Variants in PTRHD1 observed in about 807,000 individuals in gnomAD.
PTRHD1 encodes the protein peptidyl-tRNA hydrolase domain containing 1.
Under a neutral mutation model 13.6 loss-of-function variants are expected in PTRHD1, and 12 were observed. The observed-to-expected ratio is 0.88, with a 90% CI of 0.57 to 1.43. The LOEUF (loss-of-function observed/expected upper bound fraction) is 1.43. Among genes scored for constraint, PTRHD1 ranks in the 40% most tolerant of loss-of-function variants. The probability of loss-of-function intolerance (pLI) is 0.00; values close to 1 mark genes in which losing one functional copy is unlikely to be tolerated. For synonymous variants in PTRHD1, 86 were observed against 79.5 expected, an observed-to-expected ratio of 1.08 and a Z score of -0.43; for missense variants, 203 against 184.7, an observed-to-expected ratio of 1.10 and a Z score of -0.57.
At chr2:24,791,114 G>A (rs936012122) in intron 1 of PTRHD1, among the ~76,000 whole-genome samples, 9 of 151,906 alleles carry the variant, frequency 5.9e-5, no homozygotes, top group South Asian at 2.1e-4. Flanking sequence ...TAGTAGAGAC[G>A]GGGTTTCACC....
At chr2:24,790,608 A>G in intron 1 of PTRHD1, 27 bp from the exon 2 acceptor site, 1 of 1,600,862 alleles carries the variant, frequency 6.2e-7, no homozygotes, top group Non-Finnish European at 8.5e-7. Context: ...CAGAACACAA[A>G]CTGAATAGCC....
rs1391503537 is a variant in PTRHD1, at chr2:24,790,583, T to G, written c.253-2A>C. On this transcript the variant is annotated splice_acceptor_variant, in intron 1 of 1. Coordinates refer to ENST00000328379, the MANE Select transcript of PTRHD1 (RefSeq NM_001013663.2). LOFTEE classifies it high-confidence loss of function. ...CTTTAGGGTGGTCTCATCTGGGGCC[T>G]AAAGGAGAAGAACACAGAACACAAA... is the stretch of plus-strand genomic sequence containing the variant. 1 of 1,611,588 alleles carries G rather than the reference T, an allele frequency of 6.2e-7. No homozygotes were observed. Among genetic ancestry groups the G allele is most frequent in the East Asian group, 2.2e-5 (1 of 44,844 alleles).
chr2:24,791,971 C>T (rs1665636969), intron 1 of PTRHD1, among the ~76,000 whole-genome samples: 1 of 152,176 alleles, frequency 6.6e-6, no homozygotes. Context: ...TCATGAGACC[C>T]TCTTTTAAAC....
intron 1 of PTRHD1, chr2:24,791,698 C>T (rs1665629035): frequency 6.6e-6 from 1 of 152,216 alleles, no homozygotes; most frequent in African/African-American, 2.4e-5. Flanking sequence ...GGACTCCAAA[C>T]TCTTGCTGAC....
At position 24,793,164 on chromosome 2, in the gene PTRHD1, G is replaced by T. The variant is rs374127643; in HGVS notation, c.214C>A (p.Leu72Ile). 3 of 1,613,462 alleles carry T rather than the reference G, an allele frequency of 1.9e-6. No homozygotes were observed. Among genetic ancestry groups the T allele is most frequent in the Non-Finnish European group, 2.5e-6 (3 of 1,179,872 alleles). ...HRDHPHTAAY[L>I]QELGRMRKVV... Reference sequence around the variant, plus strand: ...TTGCGCATGCGCCCCAGCTCTTGGAGGTAAGCGGCTGTGTGCGGGTGGTCG... The same window carrying T: ...TTGCGCATGCGCCCCAGCTCTTGGATGTAAGCGGCTGTGTGCGGGTGGTCG... The change falls in exon 1 of 2, where the codon CTC becomes ATC. Residue 72 changes from leucine (L) to isoleucine (I), a missense_variant. Transcript: ENST00000328379.
chr2:24,790,178 T>C lies in PTRHD1; in HGVS notation c.*233A>G. On this transcript the variant is annotated 3_prime_UTR_variant, in exon 2 of 2. Transcript: ENST00000328379. ...AGTTTCCTTGAGCCCCACAGGAGAG[T>C]CTAACCAAATCTTCTATTTGAGCAA... 1 of 471,028 alleles carries C rather than the reference T, an allele frequency of 2.1e-6. No homozygotes were observed. Among genetic ancestry groups the C allele is most frequent in the Non-Finnish European group, 3.7e-6 (1 of 269,698 alleles). 29.2% of individuals were successfully genotyped at this position (471,028 alleles called of 1,614,324 possible). A position where few individuals can be genotyped will look rare whatever the true frequency, so the allele number is the denominator to read the frequency against.
chr2:24,793,093 C>G, intron 1 of PTRHD1, 33 bp downstream of exon 1: 1 of 1,599,252 alleles, frequency 6.3e-7, no homozygotes, highest in Non-Finnish European at 8.5e-7. Flanking sequence ...CCCTCGATGT[C>G]TCAGCACCTC....
Position 24,793,114 on chromosome 2 carries a change from C to A in PTRHD1, c.252+12G>T, listed in dbSNP as rs780198510. ...ATGTCTCAGCACCTCCCCCTCCGCCCGAGTGCCTCACCTCGAGGACCACTT... is the reference window on the plus strand; with the variant it reads ...ATGTCTCAGCACCTCCCCCTCCGCCAGAGTGCCTCACCTCGAGGACCACTT... On this transcript the variant is annotated intron_variant, in intron 1 of 1. Coordinates refer to ENST00000328379, the MANE Select transcript of PTRHD1 (RefSeq NM_001013663.2). 8.1e-6 allele frequency: 13 copies of A among 1,608,158 alleles called. No homozygotes were observed. The highest frequency in any genetic ancestry group is 3.3e-5 in the South Asian group (3 of 90,840).
intron 1 of PTRHD1, among the ~76,000 whole-genome samples, chr2:24,792,074 G>A (rs765687858): frequency 6.6e-6 from 1 of 152,188 alleles, no homozygotes; most frequent in South Asian, 2.1e-4. Flanking sequence ...TTACTAGGAA[G>A]AAAATCTAAG....
At chr2:24,791,472 G>C (rs1665620382) in intron 1 of PTRHD1, 1 of 152,166 alleles carries the variant, frequency 6.6e-6, no homozygotes, top group Non-Finnish European at 1.5e-5. Context: ...TATTATTTTT[G>C]TGTTATTTTG....
In PTRHD1 at chr2:24,793,125, C is replaced by T. The variant is rs770324174; in HGVS notation, c.252+1G>A. The T allele has an allele frequency of 1.4e-4, 225 of 1,611,018 alleles. No individual in the cohort carries two copies. The highest frequency in any genetic ancestry group is 1.8e-4 in the Non-Finnish European group (218 of 1,178,574). On this transcript the variant is annotated splice_donor_variant, in intron 1 of 1. Transcript: ENST00000328379. LOFTEE classifies it high-confidence loss of function. ...CCTCCCCCTCCGCCCGAGTGCCTCA[C>T]CTCGAGGACCACTTTGCGCATGCGC...
intron 1 of PTRHD1, chr2:24,791,628 T>G (rs1457303833): frequency 2.0e-5 from 3 of 152,232 alleles, no homozygotes; most frequent in African/African-American, 7.2e-5. Flanking sequence ...ATCAGCTTCT[T>G]CAGCCTCGGG....
intron 1 of PTRHD1, 45 bp from the exon 2 acceptor site, chr2:24,790,626 GA>G: frequency 6.4e-7 from 1 of 1,566,186 alleles, no homozygotes; most frequent in South Asian, 1.2e-5. Flanking sequence ...GCCCACTTAG[GA>G]AGTGTCAAAA....
At position 24,793,164 on chromosome 2, in the gene PTRHD1, G is replaced by A. The variant is rs374127643; in HGVS notation, c.214C>T (p.Leu72Phe). The change falls in exon 1 of 2, where the codon CTC becomes TTC. Residue 72 changes from leucine (L) to phenylalanine (F), a missense_variant. By Grantham distance (22) the Leu-to-Phe change is conservative. Transcript: ENST00000328379. Reference sequence around the variant, plus strand: ...TTGCGCATGCGCCCCAGCTCTTGGAGGTAAGCGGCTGTGTGCGGGTGGTCG... The same window carrying A: ...TTGCGCATGCGCCCCAGCTCTTGGAAGTAAGCGGCTGTGTGCGGGTGGTCG... ...HRDHPHTAAYLQELGRMRKVV... is the reference protein window; with the variant it reads ...HRDHPHTAAYFQELGRMRKVV... The A allele has an allele frequency of 7.4e-6, 12 of 1,613,344 alleles. No homozygotes were observed. Among genetic ancestry groups the A allele is most frequent in the African/African-American group, 1.3e-5 (1 of 74,950 alleles).
At chr2:24,792,184 T>C (rs1187420431) in intron 1 of PTRHD1, among the ~76,000 whole-genome samples, 1 of 152,228 alleles carries the variant, frequency 6.6e-6, no homozygotes, top group Non-Finnish European at 1.5e-5. Context: ...AATTTTTCTC[T>C]TGAAAGATAA....
intron 1 of PTRHD1, 98 bp downstream of exon 1, chr2:24,793,028 G>C (rs1302883660): frequency 7.1e-7 from 1 of 1,402,832 alleles, no homozygotes; most frequent in Non-Finnish European, 9.6e-7. Context: ...CCCAACTCCC[G>C]CCGCACCCAC....
rs765747084 is a variant in PTRHD1, at chr2:24,793,132, G to A, written c.246C>T (p.Val82=). Reference sequence around the variant, plus strand: ...CTCCGCCCGAGTGCCTCACCTCGAGGACCACTTTGCGCATGCGCCCCAGCT... The same window carrying A: ...CTCCGCCCGAGTGCCTCACCTCGAGAACCACTTTGCGCATGCGCCCCAGCT... The part of the protein sequence containing the change: ...LQELGRMRKV[V]LEAPDETTLK... The change falls in exon 1 of 2, where the codon GTC becomes GTT. Residue 82 remains valine, a synonymous_variant. Transcript: ENST00000328379. 7 of 1,611,664 alleles carry A rather than the reference G, an allele frequency of 4.3e-6. No homozygotes were observed. In the African/African-American group the frequency reaches 9.3e-5, roughly 22 times the overall value.
At position 24,793,322 on chromosome 2, in the gene PTRHD1, C is replaced by T; in HGVS notation, c.56G>A (p.Gly19Glu). Reference sequence around the variant, plus strand: ...TTGTACCAGGACCTGCGGCTCCGCCCCAGAGGCCGCCATCTTCCTGACCAC... The same window carrying T: ...TTGTACCAGGACCTGCGGCTCCGCCTCAGAGGCCGCCATCTTCCTGACCAC... ...FRVVRKMAAS[G>E]AEPQVLVQYL... Residue 19 changes from glycine to glutamate, a missense_variant, in exon 1 of 2, where the codon GGG becomes GAG. Coordinates refer to ENST00000328379, the MANE Select transcript of PTRHD1 (RefSeq NM_001013663.2). 5 of 1,613,838 alleles carry T rather than the reference C, an allele frequency of 3.1e-6. No individual in the cohort carries two copies. The highest frequency in any genetic ancestry group is 4.2e-6 in the Non-Finnish European group (5 of 1,180,032).
At chr2:24,791,895 G>A (rs6545729) in intron 1 of PTRHD1, among the ~76,000 whole-genome samples, 91,842 of 152,086 alleles carry the variant, frequency 0.6, 28,436 homozygotes, top group East Asian at 0.81. Flanking sequence ...TGACTACAGC[G>A]GCACCTCAAT....
Sources: gnomAD v4.1 joint callset for allele counts (sites outside exome capture counted in the v4.1 genomes callset) on GRCh38, gnomAD v4.1.1 for gene constraint, MANE v1.5 for transcripts, NCBI Gene and HGNC (gene_info 2026-07-23, HGNC 2026-07-21) for gene names.